KCNIP4: variants seen among roughly 807,000 people sequenced by gnomAD.
KCNIP4 encodes Kv channel-interacting protein 4.
Under a neutral mutation model 34.0 loss-of-function variants are expected in KCNIP4, and 12 were observed. The observed-to-expected ratio is 0.35, with a 90% CI of 0.23 to 0.57. The LOEUF (loss-of-function observed/expected upper bound fraction) is 0.57. Ranked by LOEUF, KCNIP4 falls within the 20% of genes least tolerant of loss-of-function variation. The probability of loss-of-function intolerance (pLI) is 0.83; values close to 1 mark genes in which losing one functional copy is unlikely to be tolerated. For missense variants in KCNIP4, 238 were observed against 311.7 expected, an observed-to-expected ratio of 0.76 and a Z score of 1.78; for synonymous variants, 124 against 102.2, an observed-to-expected ratio of 1.21 and a Z score of -1.29.
At chr4:20,730,248 C>T in intron 8 of KCNIP4, 119 bp from the exon 9 acceptor site, 1 of 1,279,036 alleles carries the variant, frequency 7.8e-7, no homozygotes, top group Non-Finnish European at 1.0e-6. Flanking sequence ...GCCAAAAGCT[C>T]AAATATTAAG....
chr4:21,606,920 A>G (rs920800568), intron 1 of KCNIP4, among the ~76,000 whole-genome samples: 4 of 152,086 alleles, frequency 2.6e-5, no homozygotes, highest in African/African-American at 9.7e-5. Flanking sequence ...TATTACTCCA[A>G]TCTTCCCTCT....
At chr4:21,233,424 G>T (rs1758945189) in intron 1 of KCNIP4, among the ~76,000 whole-genome samples, 1 of 151,940 alleles carries the variant, frequency 6.6e-6, no homozygotes, top group Non-Finnish European at 1.5e-5. Flanking sequence ...ATAATACGAG[G>T]CATTAAGAAG....
rs560733464 is a variant in KCNIP4, at chr4:21,247,908, T to TATAC, written c.62-365200_62-365199insGTAT. Among the ~76,000 whole-genome samples, 693 of 130,906 alleles carry TATAC rather than the reference T, an allele frequency of 5.3e-3. 11 individuals carry two copies. The highest frequency in any genetic ancestry group is 0.021 in the African/African-American group (656 of 30,876). The allele number at this position is 130,906 out of a possible 152,430, so 85.9% of individuals were successfully genotyped here. ...CCACAGGTAGATATATATATATATA[T>TATAC]ACACACACACACATATATATATACA... On this transcript the variant is annotated intron_variant, in intron 1 of 8. Coordinates refer to ENST00000382152, the MANE Select transcript of KCNIP4 (RefSeq NM_025221.6).
chr4:21,526,282 A>C (rs151010454), intron 1 of KCNIP4, among the ~76,000 whole-genome samples: 1 of 152,156 alleles, frequency 6.6e-6, no homozygotes, highest in East Asian at 1.9e-4. Flanking sequence ...CTGATGGTTT[A>C]ATAAAGGGGA....
At chr4:21,265,570 T>C (rs1272844218) in intron 1 of KCNIP4, among the ~76,000 whole-genome samples, 1 of 152,146 alleles carries the variant, frequency 6.6e-6, no homozygotes, top group Non-Finnish European at 1.5e-5. Flanking sequence ...CACTGGAAAG[T>C]ATATTTATAG....
At chr4:21,850,095 A>T (rs1407325139) in intron 1 of KCNIP4, 1 of 151,940 alleles carries the variant, frequency 6.6e-6, no homozygotes. Context: ...AGCAAAATCT[A>T]CAAACCTCAA....
At chr4:21,525,505 A>T (rs190648633) in intron 1 of KCNIP4, among the ~76,000 whole-genome samples, 1,609 of 152,298 alleles carry the variant, frequency 0.011, 28 homozygotes, top group African/African-American at 0.037. Context: ...AAAAATATTT[A>T]AAAAATGACA....
At chr4:20,731,617 C>A in intron 8 of KCNIP4, 1 of 985,118 alleles carries the variant, frequency 1.0e-6, no homozygotes, top group Non-Finnish European at 1.2e-6. Context: ...GTTGTGATGC[C>A]ATACTTGGCT....
intron 1 of KCNIP4, among the ~76,000 whole-genome samples, chr4:21,068,402 G>A (rs1003024005): frequency 2.0e-5 from 3 of 152,002 alleles, no homozygotes; most frequent in Admixed American, 6.6e-5. Flanking sequence ...CCATAATAAT[G>A]AGCATGAAAT....
At chr4:21,867,645 C>G (rs1725512826) in intron 1 of KCNIP4, among the ~76,000 whole-genome samples, 1 of 152,210 alleles carries the variant, frequency 6.6e-6, no homozygotes, top group Non-Finnish European at 1.5e-5. Flanking sequence ...CATCCCATAG[C>G]ACAAGCCACA....
intron 1 of KCNIP4, among the ~76,000 whole-genome samples, chr4:21,581,896 G>T (rs1288500952): frequency 1.3e-5 from 2 of 151,780 alleles, no homozygotes; most frequent in Non-Finnish European, 1.5e-5. Flanking sequence ...CCATTAATGG[G>T]TCATGAACCC....
intron 1 of KCNIP4, among the ~76,000 whole-genome samples, chr4:21,033,178 C>T (rs1741158698): frequency 6.6e-6 from 1 of 152,142 alleles, no homozygotes; most frequent in Admixed American, 6.5e-5. Flanking sequence ...TTTAAATTTT[C>T]TACAAGTAGG....
At chr4:21,093,385 G>A (rs1220211459) in intron 1 of KCNIP4, among the ~76,000 whole-genome samples, 1 of 152,138 alleles carries the variant, frequency 6.6e-6, no homozygotes, top group Non-Finnish European at 1.5e-5. Flanking sequence ...CTGATTTAAA[G>A]GGCAACATAA....
At chr4:21,876,283 T>C (rs1726106249) in intron 1 of KCNIP4, among the ~76,000 whole-genome samples, 1 of 152,240 alleles carries the variant, frequency 6.6e-6, no homozygotes, top group South Asian at 2.1e-4. Flanking sequence ...ATCTATGATT[T>C]TACTGGAGGC....
At chr4:20,921,556 A>G (rs749595483) in intron 1 of KCNIP4, among the ~76,000 whole-genome samples, 4 of 152,244 alleles carry the variant, frequency 2.6e-5, no homozygotes, top group Non-Finnish European at 1.5e-5. Context: ...AATCAGTGAA[A>G]TAAAGCTATA....
rs1560260205 is a variant in KCNIP4, at chr4:21,291,930, AG to A, written c.62-409222del. ...AAGAAAGAAAGAAAGAAAGAAAGAA[AG>A]AAAGAAAAAAAAAGAAAAAAGTCTG... On this transcript the variant is annotated intron_variant, in intron 1 of 8. Transcript: ENST00000382152. Among the ~76,000 whole-genome samples, 226 of 93,636 alleles carry A rather than the reference AG, an allele frequency of 2.4e-3. 5 individuals carry two copies. The highest frequency in any genetic ancestry group is 7.5e-3 in the East Asian group (29 of 3,852). 61.4% of individuals were successfully genotyped at this position (93,636 alleles called of 152,430 possible).
At chr4:21,712,992 T>C (rs1212927195) in intron 1 of KCNIP4, among the ~76,000 whole-genome samples, 1 of 152,206 alleles carries the variant, frequency 6.6e-6, no homozygotes, top group Non-Finnish European at 1.5e-5. Context: ...TCTTTCACTC[T>C]TTCCTTCCCT....
chr4:21,606,090 T>A (rs1370330233), intron 1 of KCNIP4, among the ~76,000 whole-genome samples: 2 of 152,144 alleles, frequency 1.3e-5, no homozygotes, highest in Non-Finnish European at 2.9e-5. Flanking sequence ...GTTGAACCCA[T>A]GCCTGGATAG....
chr4:21,838,586 C>T (rs1470573629), intron 1 of KCNIP4, among the ~76,000 whole-genome samples: 1 of 152,160 alleles, frequency 6.6e-6, no homozygotes, highest in Non-Finnish European at 1.5e-5. Context: ...GCTATGACCA[C>T]ACAACACTTT....
Sources: allele counts gnomAD v4.1 joint callset (sites outside exome capture counted in the v4.1 genomes callset), GRCh38; gene constraint gnomAD v4.1.1; transcripts MANE v1.5; gene names NCBI Gene and HGNC (gene_info 2026-07-23, HGNC 2026-07-21).